DLC1: variants seen among roughly 807,000 people sequenced by gnomAD.
DLC1 encodes the protein DLC1 Rho GTPase activating protein, also known as rho GTPase-activating protein 7.
DLC1 carries 54 observed loss-of-function variants against 140.3 expected under a neutral mutation model. The observed-to-expected ratio is 0.38, with a 90% CI of 0.31 to 0.48. The LOEUF (loss-of-function observed/expected upper bound fraction) is 0.48, where lower values mean the gene tolerates loss of function less well. DLC1 is among the 20% of genes least tolerant of loss of function. DLC1 has a pLI of 0.96. For missense variants in DLC1, 2,536 were observed against 1,907.0 expected (o/e 1.33, Z -6.14); for synonymous variants, 986 against 728.1 (o/e 1.35, Z -5.70).
intron 1 of DLC1, among the ~76,000 whole-genome samples, chr8:13,511,835 T>C (rs986015849): frequency 6.6e-6 from 1 of 152,256 alleles, no homozygotes; most frequent in South Asian, 2.1e-4. Context: ...TTTATAACAC[T>C]GACATCACTC....
intron 2 of DLC1, among the ~76,000 whole-genome samples, chr8:13,459,066 G>A (rs1799540703): frequency 6.6e-6 from 1 of 152,134 alleles, no homozygotes; most frequent in Non-Finnish European, 1.5e-5. Context: ...ATTTAATAAT[G>A]AAATATGATT....
intron 2 of DLC1, among the ~76,000 whole-genome samples, chr8:13,472,354 G>A (rs1470626886): frequency 6.6e-6 from 1 of 152,178 alleles, no homozygotes; most frequent in Non-Finnish European, 1.5e-5. Flanking sequence ...AGGGGAATGA[G>A]TGAGGGAATG....
At chr8:13,154,552 G>A (rs1018024753) in intron 5 of DLC1, among the ~76,000 whole-genome samples, 4 of 152,204 alleles carry the variant, frequency 2.6e-5, no homozygotes, top group Non-Finnish European at 2.9e-5. Flanking sequence ...GTGCCAGTGC[G>A]CAGCCCCGGT....
At chr8:13,476,922 C>A (rs1800458233) in intron 2 of DLC1, among the ~76,000 whole-genome samples, 1 of 152,126 alleles carries the variant, frequency 6.6e-6, no homozygotes, top group Non-Finnish European at 1.5e-5. Flanking sequence ...GAAGACAGCA[C>A]AGTAAGTGAA....
intron 2 of DLC1, among the ~76,000 whole-genome samples, chr8:13,413,056 T>A (rs1369506647): frequency 6.6e-6 from 1 of 151,962 alleles, no homozygotes; most frequent in Non-Finnish European, 1.5e-5. Context: ...CTGGTGTCCT[T>A]GTGCGGGGCA....
intron 1 of DLC1, among the ~76,000 whole-genome samples, chr8:13,503,153 C>T (rs1197998858): frequency 1.3e-5 from 2 of 152,138 alleles, no homozygotes; most frequent in African/African-American, 2.4e-5. Flanking sequence ...GCCTGTAATC[C>T]CAGCACTTTG....
chr8:13,472,695 G>A (rs981572480), intron 2 of DLC1, among the ~76,000 whole-genome samples: 4 of 152,176 alleles, frequency 2.6e-5, no homozygotes, highest in African/African-American at 9.7e-5. Context: ...CCAAATCAGA[G>A]TGATTCAAAT....
chr8:13,276,094 G>T (rs1435723165), intron 5 of DLC1, among the ~76,000 whole-genome samples: 1 of 152,166 alleles, frequency 6.6e-6, no homozygotes, highest in East Asian at 1.9e-4. Flanking sequence ...CTCCATCAAG[G>T]TTAAATACTA....
rs180769636 is a variant in DLC1, at chr8:13,112,470, A to C, written c.1421-1647T>G. ...ACATTGTTCCCTAAATGATAATATA[A>C]GCAGACCAAGGAAGTGGCTATAGTC... On this transcript the variant is annotated intron_variant, in intron 6 of 17. Transcript: ENST00000276297. Among the ~76,000 whole-genome samples, 145 of 152,324 alleles carry C rather than the reference A, an allele frequency of 9.5e-4. 2 individuals carry two copies. Among genetic ancestry groups the C allele is most frequent in the Admixed American group, 9.5e-3 (145 of 15,290 alleles).
intron 1 of DLC1, chr8:13,566,994 G>T: frequency 1.3e-6 from 2 of 1,542,884 alleles, no homozygotes; most frequent in East Asian, 4.9e-5. Flanking sequence ...GCATTGTGAT[G>T]GCCATCTGCC....
intron 1 of DLC1, among the ~76,000 whole-genome samples, chr8:13,506,589 A>ATGTG (rs1563407630): frequency 1.1e-5 from 1 of 88,186 alleles, no homozygotes; most frequent in African/African-American, 5.5e-5. Context: ...GTGTATATAT[A>ATGTG]TATATATATA....
chr8:13,516,563 C>G (rs1207092177), upstream of DLC1, among the ~76,000 whole-genome samples: 1 of 152,092 alleles, frequency 6.6e-6, no homozygotes, highest in Non-Finnish European at 1.5e-5. Context: ...GCAAGAATGA[C>G]TTATACTGTG....
At chr8:13,276,633 C>G in intron 5 of DLC1, 1 of 1,201,346 alleles carries the variant, frequency 8.3e-7, no homozygotes, top group Non-Finnish European at 1.0e-6. Flanking sequence ...CCTCGCGGGG[C>G]GCGCGAGCTG....
At chr8:13,406,071 A>G (rs1471475078) in intron 2 of DLC1, among the ~76,000 whole-genome samples, 2 of 146,456 alleles carry the variant, frequency 1.4e-5, no homozygotes, top group Admixed American at 6.9e-5. Context: ...CAGTGGCACA[A>G]TCTTGGCTCA....
intron 1 of DLC1, among the ~76,000 whole-genome samples, chr8:13,505,229 A>G (rs1219820061): frequency 6.6e-6 from 1 of 152,206 alleles, no homozygotes. Context: ...AAAACATATG[A>G]AGCAATGATT....
chr8:13,087,777 C>G (rs1817690375), intron 16 of DLC1, among the ~76,000 whole-genome samples: 2 of 152,206 alleles, frequency 1.3e-5, no homozygotes, highest in Non-Finnish European at 2.9e-5. Flanking sequence ...TTTTGGAATT[C>G]TTCTTTCAGT....
intron 1 of DLC1, among the ~76,000 whole-genome samples, chr8:13,581,402 C>A (rs1321279132): frequency 6.6e-6 from 1 of 152,154 alleles, no homozygotes; most frequent in East Asian, 1.9e-4. Flanking sequence ...TTCCAGCCTT[C>A]CCCATTTCAG....
chr8:13,437,434 C>G (rs1055102782), intron 2 of DLC1, among the ~76,000 whole-genome samples: 3 of 152,212 alleles, frequency 2.0e-5, no homozygotes, highest in African/African-American at 7.2e-5. Context: ...TATTTTCCTA[C>G]AGTCAAAACA....
chr8:13,248,372 CA>C, intron 5 of DLC1, among the ~76,000 whole-genome samples: 1 of 150,980 alleles, frequency 6.6e-6, no homozygotes, highest in African/African-American at 2.4e-5. Context: ...AGGTTAGTTG[CA>C]GGAAGAAAGA....
Sources: gnomAD v4.1 joint callset for allele counts (sites outside exome capture counted in the v4.1 genomes callset) on GRCh38, gnomAD v4.1.1 for gene constraint, MANE v1.5 for transcripts, NCBI Gene and HGNC (gene_info 2026-07-23, HGNC 2026-07-21) for gene names.